The following NDRG1 variants were observed in gnomAD, a reference collection of about 807,000 sequenced individuals.
NDRG1 encodes N-myc downstream regulated 1.
NDRG1 carries 32 observed loss-of-function variants against 56.9 expected under a neutral mutation model. That is an observed-to-expected ratio of 0.56 (90% CI 0.42 to 0.76). The LOEUF is 0.76. NDRG1 is among the 30% of genes least tolerant of loss of function. The pLI, the probability that NDRG1 is intolerant of heterozygous loss-of-function variation, is 0.00. For missense variants in NDRG1, 507 were observed against 545.7 expected, an observed-to-expected ratio of 0.93 and a Z score of 0.71; for synonymous variants, 211 against 204.1, an observed-to-expected ratio of 1.03 and a Z score of -0.29.
At chr8:133,261,942 A>G (rs1856678689) in intron 5 of NDRG1, 105 bp downstream of exon 5, 2 of 1,433,790 alleles carry the variant, frequency 1.4e-6, no homozygotes, top group South Asian at 1.5e-5. Context: ...GATACGTTTT[A>G]TATTTTACCA....
chr8:133,247,872 T>A lies in NDRG1; in HGVS notation c.807+3A>T. 3.1e-6 allele frequency: 5 copies of A among 1,614,042 alleles called. No individual in the cohort carries two copies. Among genetic ancestry groups the A allele is most frequent in the Non-Finnish European group, 4.2e-6 (5 of 1,179,994 alleles). On this transcript the variant is annotated splice_donor_region_variant and intron_variant, in intron 12 of 15. Transcript: ENST00000323851. ...ACAGAAATCAGCTGTGATTTCTACA[T>A]ACCACGGCATCCACTGCAGGCGAGC...
At chr8:133,291,183 C>T (rs924556822) in intron 1 of NDRG1, among the ~76,000 whole-genome samples, 3 of 152,176 alleles carry the variant, frequency 2.0e-5, no homozygotes, top group African/African-American at 4.8e-5. Context: ...CAGATTCCAC[C>T]CTCTGTAACA....
intron 8 of NDRG1, chr8:133,256,314 A>G (rs1024658891): frequency 2.4e-5 from 4 of 163,620 alleles, no homozygotes; most frequent in Admixed American, 2.3e-4. Context: ...TTATTATCGT[A>G]AAATTCTGTG....
At position 133,237,870 on chromosome 8, in the gene NDRG1, T is replaced by C. The variant is rs1855144476; in HGVS notation, c.*1008A>G. 2 of 233,004 alleles carry C rather than the reference T, an allele frequency of 8.6e-6. No homozygotes were observed. The highest frequency in any genetic ancestry group is 1.7e-5 in the Non-Finnish European group (2 of 118,006). 14.4% of individuals were successfully genotyped at this position (233,004 alleles called of 1,614,324 possible). A position where few individuals can be genotyped will look rare whatever the true frequency, so the allele number is the denominator to read the frequency against. Reference sequence around the variant, plus strand: ...GGATCCACAGAAATCACAACTGCACTGGATCTCAACACAACAACAAGGAAT... The same window carrying C: ...GGATCCACAGAAATCACAACTGCACCGGATCTCAACACAACAACAAGGAAT... On this transcript the variant is annotated 3_prime_UTR_variant, in exon 16 of 16. Coordinates refer to ENST00000323851, the MANE Select transcript of NDRG1 (RefSeq NM_006096.4).
At chr8:133,248,325 CAGTT>C (rs1057271341) in intron 11 of NDRG1, among the ~76,000 whole-genome samples, 1 of 152,198 alleles carries the variant, frequency 6.6e-6, no homozygotes, top group African/African-American at 2.4e-5. Context: ...GGTGGAAACC[CAGTT>C]AGTTCTGTCC....
rs963190299 is a variant in NDRG1 at position 133,256,808 on chromosome 8, G to A, written c.506C>T (p.Ala169Val). The A allele has an allele frequency of 1.9e-6, 3 of 1,614,128 alleles. No homozygotes were observed. Among genetic ancestry groups the A allele is most frequent in the Non-Finnish European group, 2.5e-6 (3 of 1,180,018 alleles). ...GLVLINVNPC[A>V]EGWMDWAASK... is the part of the protein sequence containing the mutation. Reference sequence around the variant, plus strand: ...GGCGGCCCAGTCCATCCAGCCTTCCGCACAAGGGTTCACGTTGATAAGGAC... The same window carrying A: ...GGCGGCCCAGTCCATCCAGCCTTCCACACAAGGGTTCACGTTGATAAGGAC... The change falls in exon 8 of 16, where the codon GCG (alanine) becomes GTG (valine). Residue 169 changes from alanine to valine, a missense_variant. By Grantham distance (64) the Ala-to-Val change is moderately conservative. Transcript: ENST00000323851.
At chr8:133,276,862 A>G (rs1371250376) in intron 3 of NDRG1, among the ~76,000 whole-genome samples, 1 of 152,248 alleles carries the variant, frequency 6.6e-6, no homozygotes, top group Admixed American at 6.5e-5. Context: ...AACTGAAAGC[A>G]GGATCTCAAA....
intron 3 of NDRG1, among the ~76,000 whole-genome samples, chr8:133,272,062 A>G (rs2130765890): frequency 6.6e-6 from 1 of 152,306 alleles, no homozygotes; most frequent in Admixed American, 6.5e-5. Context: ...CAAGCCTCAC[A>G]CAATGGAAGA....
intron 3 of NDRG1, chr8:133,265,019 G>A (rs1856847325): frequency 2.9e-6 from 1 of 340,382 alleles, no homozygotes; most frequent in Non-Finnish European, 5.8e-6. Flanking sequence ...GGCCCCACAG[G>A]TTACTGTACC....
chr8:133,269,881 C>G (rs1188306482), intron 3 of NDRG1, among the ~76,000 whole-genome samples: 1 of 152,224 alleles, frequency 6.6e-6, no homozygotes, highest in Non-Finnish European at 1.5e-5. Context: ...ATCTGCTGCT[C>G]CCATCCTCCT....
intron 15 of NDRG1, chr8:133,239,662 G>A (rs746538732): frequency 8.5e-5 from 15 of 176,592 alleles, no homozygotes; most frequent in Admixed American, 1.6e-4. Context: ...TAACAAGGGC[G>A]CTGTCTATTC....
intron 8 of NDRG1, 123 bp downstream of exon 8, chr8:133,256,654 G>T: frequency 2.3e-6 from 2 of 867,604 alleles, no homozygotes; most frequent in Non-Finnish European, 1.9e-6. Flanking sequence ...GTGGGCAGTA[G>T]AGGGTAGTGG....
chr8:133,275,910 G>A lies in NDRG1; in HGVS notation c.99+4322C>T, dbSNP rs1310140928. Among the ~76,000 whole-genome samples, 4 of 152,324 alleles carry A rather than the reference G, an allele frequency of 2.6e-5. No individual in the cohort carries two copies. In the East Asian group the frequency reaches 7.7e-4, roughly 29 times the overall value. On this transcript the variant is annotated intron_variant, in intron 3 of 15. Transcript: ENST00000323851. ...CACATTCTGTGCTCGGCAGTGCTGA[G>A]CTATTATTCCAGAATTTAGGTTCCT...
intron 4 of NDRG1, among the ~76,000 whole-genome samples, 200 bp downstream of exon 4, chr8:133,264,347 G>C (rs1199938824): frequency 6.6e-6 from 1 of 152,234 alleles, no homozygotes; most frequent in Admixed American, 6.5e-5. Flanking sequence ...GCGCCTCCGG[G>C]CACACAGACA....
rs1441902132 is a variant in NDRG1 at position 133,237,217 on chromosome 8, T to G, written c.*1661A>C. The G allele has an allele frequency of 6.3e-5, 14 of 221,774 alleles. No homozygotes were observed. Among genetic ancestry groups the G allele is most frequent in the Non-Finnish European group, 9.9e-5 (11 of 111,022 alleles). 13.7% of individuals were successfully genotyped at this position (221,774 alleles called of 1,614,324 possible). On this transcript the variant is annotated 3_prime_UTR_variant, in exon 16 of 16. Coordinates refer to ENST00000323851, the MANE Select transcript of NDRG1 (RefSeq NM_006096.4). Reference sequence around the variant, plus strand: ...ATTGGTCTGGAAATAAATACAAATATCTCATTAAGAAACTCCTCTGGAAAG... The same window carrying G: ...ATTGGTCTGGAAATAAATACAAATAGCTCATTAAGAAACTCCTCTGGAAAG...
At chr8:133,274,513 C>T (rs1302906740) in intron 3 of NDRG1, among the ~76,000 whole-genome samples, 1 of 152,228 alleles carries the variant, frequency 6.6e-6, no homozygotes, top group Non-Finnish European at 1.5e-5. Context: ...AGGGCAAGAA[C>T]TGCCCAGGAG....
chr8:133,284,343 A>C lies in NDRG1; in HGVS notation c.-18-14T>G. The C allele has an allele frequency of 7.4e-6, 12 of 1,613,622 alleles. No homozygotes were observed. Among genetic ancestry groups the C allele is most frequent in the Non-Finnish European group, 1.0e-5 (12 of 1,179,588 alleles). On this transcript the variant is annotated splice_polypyrimidine_tract_variant and intron_variant, in intron 1 of 15. Coordinates refer to ENST00000323851, the MANE Select transcript of NDRG1 (RefSeq NM_006096.4). ...GCTGTCACCTGCCTGCAAGGAGACAAAGGCCAAAAGGTCAACACTTCCTGC... is the reference window on the plus strand; with the variant it reads ...GCTGTCACCTGCCTGCAAGGAGACACAGGCCAAAAGGTCAACACTTCCTGC...
At chr8:133,284,858 C>T (rs775608993) in intron 1 of NDRG1, 1 of 456,628 alleles carries the variant, frequency 2.2e-6, no homozygotes, top group Non-Finnish European at 4.4e-6. Context: ...CGCGTGAACA[C>T]ACATACACAC....
At chr8:133,245,654 G>A (rs897357085) in intron 13 of NDRG1, among the ~76,000 whole-genome samples, 4 of 152,108 alleles carry the variant, frequency 2.6e-5, no homozygotes, top group African/African-American at 9.7e-5. Flanking sequence ...AGGGAGCACG[G>A]CCCTGCCCAC....
Sources: gnomAD v4.1 joint callset for allele counts (sites outside exome capture counted in the v4.1 genomes callset) on GRCh38, gnomAD v4.1.1 for gene constraint, MANE v1.5 for transcripts, NCBI Gene and HGNC (gene_info 2026-07-23, HGNC 2026-07-21) for gene names.